The following MIB1 variants were observed in gnomAD, a reference collection of about 807,000 sequenced individuals.
MIB1 encodes E3 ubiquitin-protein ligase MIB1.
In MIB1, 278 loss-of-function variants were observed where a neutral mutation model predicts 124.5. That is an observed-to-expected ratio of 2.23 (90% CI 2.02 to 2.47). MIB1 has a LOEUF of 2.47. Among genes scored for constraint, MIB1 ranks in the 30% most tolerant of loss-of-function variants. The pLI is 0.00. For missense variants in MIB1, 957 were observed against 1,254.4 expected (o/e 0.76, Z 3.58); for synonymous variants, 446 against 429.4 (o/e 1.04, Z -0.48).
At chr18:21,728,012 TGA>T (rs1420757398) in intron 1 of MIB1, among the ~76,000 whole-genome samples, 2 of 152,142 alleles carry the variant, frequency 1.3e-5, no homozygotes, top group Non-Finnish European at 2.9e-5. Context: ...CCACAGAAAC[TGA>T]GAGCGAATAA....
At chr18:21,832,166 TA>T (rs1030999722) in intron 12 of MIB1, among the ~76,000 whole-genome samples, 2 of 152,312 alleles carry the variant, frequency 1.3e-5, no homozygotes. Context: ...TAATTTTTTT[TA>T]TAATGCTTTG....
intron 1 of MIB1, among the ~76,000 whole-genome samples, chr18:21,761,895 G>A (rs1267084648): frequency 6.6e-6 from 1 of 151,828 alleles, no homozygotes; most frequent in African/African-American, 2.4e-5. Context: ...TTACACACAT[G>A]CCGATGAGAG....
At position 21,799,840 on chromosome 18, in the gene MIB1, G is replaced by A; in HGVS notation, c.1238-1G>A. 1.2e-6 allele frequency: 2 copies of A among 1,608,964 alleles called. No individual in the cohort carries two copies. The highest frequency in any genetic ancestry group is 1.7e-6 in the Non-Finnish European group (2 of 1,176,808). Reference sequence around the variant, plus strand: ...TAGCAGCTTTATTTGATGCTTTACAGAAAGACTCTCACAACTCCTGAAGAA... The same window carrying A: ...TAGCAGCTTTATTTGATGCTTTACAAAAAGACTCTCACAACTCCTGAAGAA... On this transcript the variant is annotated splice_acceptor_variant, in intron 8 of 20. Coordinates refer to ENST00000261537, the MANE Select transcript of MIB1 (RefSeq NM_020774.4). LOFTEE classifies it high-confidence loss of function.
intron 9 of MIB1, among the ~76,000 whole-genome samples, chr18:21,801,148 T>A (rs1297268554): frequency 6.6e-6 from 1 of 152,092 alleles, no homozygotes; most frequent in Admixed American, 6.5e-5. Flanking sequence ...CTGATAGCCT[T>A]CATATTTACC....
chr18:21,729,359 T>A (rs1045817803), intron 1 of MIB1, among the ~76,000 whole-genome samples: 1 of 152,062 alleles, frequency 6.6e-6, no homozygotes, highest in Non-Finnish European at 1.5e-5. Context: ...GGCTTAGAGG[T>A]CCAAGATCCA....
Position 21,765,909 on chromosome 18 carries a change from CG to C in MIB1, c.368del (p.Arg123ProfsTer15). Reference protein sequence around the residue: ...YHGDKHHLRHRFYRITTPGSE... With the variant: ...YHGDKHHLRHXFYRITTPGSE... The stretch of plus-strand genomic sequence containing the variant: ...TGGAGATAAACATCATTTAAGACAT[CG>C]CTTTTACCGAATTACTACACCGGGA... On this transcript the variant is annotated frameshift_variant, in exon 2 of 21. Coordinates refer to ENST00000261537, the MANE Select transcript of MIB1 (RefSeq NM_020774.4). LOFTEE classifies it high-confidence loss of function. The C allele has an allele frequency of 6.2e-7, 1 of 1,614,030 alleles. No homozygotes were observed. Among genetic ancestry groups the C allele is most frequent in the Non-Finnish European group, 8.5e-7 (1 of 1,179,964 alleles).
intron 1 of MIB1, among the ~76,000 whole-genome samples, chr18:21,755,093 C>G (rs1301142259): frequency 6.6e-6 from 1 of 151,266 alleles, no homozygotes; most frequent in Non-Finnish European, 1.5e-5. Flanking sequence ...TTCCCCACTT[C>G]TAGGGGTGGT....
intron 12 of MIB1, among the ~76,000 whole-genome samples, chr18:21,831,700 T>C (rs2041985094): frequency 6.6e-6 from 1 of 152,008 alleles, no homozygotes; most frequent in Admixed American, 6.6e-5. Context: ...CGGTCTCTCA[T>C]GTTTCCACTT....
At chr18:21,838,538 T>C (rs1374452269) in intron 13 of MIB1, 41 bp downstream of exon 13, 5 of 1,513,598 alleles carry the variant, frequency 3.3e-6, no homozygotes, top group Non-Finnish European at 4.4e-6. Context: ...TTTATTTTTT[T>C]TTAAACAATT....
chr18:21,825,769 C>A (rs1196748728), intron 12 of MIB1: 1 of 523,840 alleles, frequency 1.9e-6, no homozygotes, highest in Non-Finnish European at 3.9e-6. Flanking sequence ...ATTTTACCAG[C>A]TCTAGCAAAG....
chr18:21,799,938 T>TA lies in MIB1; in HGVS notation c.1338dup (p.Val447SerfsTer6). 6.2e-7 allele frequency: 1 copy of TA among 1,612,256 alleles called. No homozygotes were observed. The highest frequency in any genetic ancestry group is 8.5e-7 in the Non-Finnish European group (1 of 1,178,754). On this transcript the variant is annotated frameshift_variant, in exon 9 of 21. Coordinates refer to ENST00000261537, the MANE Select transcript of MIB1 (RefSeq NM_020774.4). LOFTEE classifies it high-confidence loss of function. ...AGGCTGCTGCCAATGGAGATGTTGC[T>TA]AAAGTGGAAGATTTGCTTAAAAGAC...
intron 1 of MIB1, among the ~76,000 whole-genome samples, chr18:21,717,786 C>A (rs138690121): frequency 5.3e-5 from 8 of 152,190 alleles, no homozygotes; most frequent in African/African-American, 1.9e-4. Flanking sequence ...AACACTTCTA[C>A]ACTGCTGGTG....
chr18:21,765,058 T>C (rs1486182280), intron 1 of MIB1, among the ~76,000 whole-genome samples: 1 of 152,240 alleles, frequency 6.6e-6, no homozygotes, highest in Admixed American at 6.5e-5. Flanking sequence ...TTATTTCACC[T>C]GAAAATGAAG....
chr18:21,820,769 A>G (rs1224397113), intron 12 of MIB1, among the ~76,000 whole-genome samples: 2 of 152,214 alleles, frequency 1.3e-5, no homozygotes, highest in Non-Finnish European at 2.9e-5. Flanking sequence ...GCAGGTGTTA[A>G]TATCCTCATT....
chr18:21,789,497 G>A (rs76198640), intron 6 of MIB1, among the ~76,000 whole-genome samples: 6,610 of 152,044 alleles, frequency 0.043, 233 homozygotes, highest in Middle Eastern at 0.065. Context: ...CACAATAGAT[G>A]GCAGTATTTC....
intron 12 of MIB1, among the ~76,000 whole-genome samples, chr18:21,824,743 A>G (rs1200540625): frequency 6.6e-6 from 1 of 152,088 alleles, no homozygotes; most frequent in Non-Finnish European, 1.5e-5. Flanking sequence ...AGAATGTGTG[A>G]ACATCTGGGT....
Position 21,767,697 on chromosome 18 carries a change from G to A in MIB1, c.402-926G>A, listed in dbSNP as rs569214114. Among the ~76,000 whole-genome samples, 18 of 152,008 alleles carry A rather than the reference G, an allele frequency of 1.2e-4. No individual in the cohort carries two copies. The East Asian group carries it at 1.7e-3, about 15-fold the overall frequency. On this transcript the variant is annotated intron_variant, in intron 2 of 20. Coordinates refer to ENST00000261537, the MANE Select transcript of MIB1 (RefSeq NM_020774.4). The stretch of plus-strand genomic sequence containing the variant: ...CGAGTAGCTGGGACTACAGGCGCCC[G>A]CCACCACACCCAGCTAATTTTTTGT...
chr18:21,844,326 A>C, intron 15 of MIB1, 73 bp downstream of exon 15: 1 of 1,436,518 alleles, frequency 7.0e-7, no homozygotes, highest in South Asian at 1.2e-5. Context: ...TTTACTGGTA[A>C]TCTAACCTGT....
At chr18:21,716,858 A>T (rs1193145928) in intron 1 of MIB1, among the ~76,000 whole-genome samples, 1 of 152,168 alleles carries the variant, frequency 6.6e-6, no homozygotes, top group Non-Finnish European at 1.5e-5. Flanking sequence ...TCTCAAAAAA[A>T]AAAGCTCCAC....
Sources: allele counts gnomAD v4.1 joint callset (sites outside exome capture counted in the v4.1 genomes callset), GRCh38; gene constraint gnomAD v4.1.1; transcripts MANE v1.5; gene names NCBI Gene and HGNC (gene_info 2026-07-23, HGNC 2026-07-21).